Variants in VWA7 observed in about 807,000 individuals in gnomAD.
VWA7 encodes von Willebrand factor A domain containing 7, also known as von Willebrand factor A domain-containing protein 7.
In VWA7, 66 loss-of-function variants were observed where a neutral mutation model predicts 83.1. The observed-to-expected ratio is 0.79, with a 90% CI of 0.65 to 0.98. The LOEUF (loss-of-function observed/expected upper bound fraction) is 0.98, where lower values mean the gene tolerates loss of function less well. Ranked by LOEUF, VWA7 falls within the 50% of genes least tolerant of loss-of-function variation. VWA7 has a pLI of 0.00. For missense variants in VWA7, 1,080 were observed against 1,160.2 expected, an observed-to-expected ratio of 0.93 and a Z score of 1.00; for synonymous variants, 424 against 488.5, an observed-to-expected ratio of 0.87 and a Z score of 1.74.
In VWA7 at chr6:31,773,256, G is replaced by A; in HGVS notation, c.903C>T (p.Asp301=). The change falls in exon 6 of 17, where the codon GAC becomes GAT. Residue 301 remains aspartate, a synonymous_variant. Coordinates refer to ENST00000375688, the MANE Select transcript of VWA7 (RefSeq NM_025258.3). This position sits in a 1 kb window ranked among gnomAD's most constrained non-coding sequence, Gnocchi z 5.3. ...AGGCCACTCACCTGGAGAAATCCCT[G>A]TCTCCCAGGCGGCTTCGCAGAAGGC... ...AFSLLRSRLG[D]RDFSRLLDIT... 6.2e-7 allele frequency: 1 copy of A among 1,604,312 alleles called. No homozygotes were observed. Among genetic ancestry groups the A allele is most frequent in the Admixed American group, 1.7e-5 (1 of 57,804 alleles).
chr6:31,765,654 G>C lies in VWA7; in HGVS notation c.2616C>G (p.Gly872=). The change falls in exon 17 of 17, where the codon GGC becomes GGG. Residue 872 remains glycine (G), a synonymous_variant. Coordinates refer to ENST00000375688, the MANE Select transcript of VWA7 (RefSeq NM_025258.3). ...QGRAGAGLAA[G]SPWWGTVGGV... The stretch of plus-strand genomic sequence containing the variant: ...CTCCAACTGTGCCCCACCAGGGGCT[G>C]CCCGCAGCCAGCCCTGCCCCAGCCC... The C allele has an allele frequency of 1.9e-6, 3 of 1,608,182 alleles. No individual in the cohort carries two copies. The highest frequency in any genetic ancestry group is 2.5e-6 in the Non-Finnish European group (3 of 1,178,034).
At position 31,767,715 on chromosome 6, in the gene VWA7, G is replaced by T; in HGVS notation, c.1543C>A (p.Gln515Lys). Residue 515 changes from glutamine to lysine, a missense_variant, in exon 11 of 17, where the codon CAG becomes AAG. Coordinates refer to ENST00000375688, the MANE Select transcript of VWA7 (RefSeq NM_025258.3). ...PLDPPVVVPG[Q>K]PLVFSVDGLL... is the part of the protein sequence containing the mutation. ...CCATCCACGCTGAACACAAGTGGCTGCCCAGGCACCACAACAGGAGGGTCC... is the reference window on the plus strand; with the variant it reads ...CCATCCACGCTGAACACAAGTGGCTTCCCAGGCACCACAACAGGAGGGTCC... 1 of 1,612,872 alleles carries T rather than the reference G, an allele frequency of 6.2e-7. No individual in the cohort carries two copies. The highest frequency in any genetic ancestry group is 1.7e-5 in the Admixed American group (1 of 60,004).
Position 31,766,432 on chromosome 6 carries a change from G to A in VWA7, c.2184+31C>T. 1 of 1,574,486 alleles carries A rather than the reference G, an allele frequency of 6.4e-7. No homozygotes were observed. Among genetic ancestry groups the A allele is most frequent in the Non-Finnish European group, 8.6e-7 (1 of 1,159,926 alleles). ...GAAGGGGCCGCTCTAACTCTCTCCAGCCCCAGCCGCACTTTCCCCTGGCGT... is the reference window on the plus strand; with the variant it reads ...GAAGGGGCCGCTCTAACTCTCTCCAACCCCAGCCGCACTTTCCCCTGGCGT... On this transcript the variant is annotated intron_variant, in intron 14 of 16. Transcript: ENST00000375688. The surrounding 1 kb of genome is among the most constrained non-coding windows in gnomAD (Gnocchi z 4.9).
rs1812381207 is a variant in VWA7, at chr6:31,773,309, C to T, written c.850G>A (p.Ala284Thr). 4 of 1,608,636 alleles carry T rather than the reference C, an allele frequency of 2.5e-6. No homozygotes were observed. The Admixed American group carries it at 6.8e-5, about 27-fold the overall frequency. ...AAGGCCTGGATGGAGGCTAGAAGGGCCAGTTTTGCAGCCTGGAGGTGCAGC... is the reference window on the plus strand; with the variant it reads ...AAGGCCTGGATGGAGGCTAGAAGGGTCAGTTTTGCAGCCTGGAGGTGCAGC... The part of the protein sequence containing the change: ...HMLHLQAAKL[A>T]LLASIQAFSL... The change falls in exon 6 of 17, where the codon GCC becomes ACC. Residue 284 changes from alanine (A) to threonine (T), a missense_variant. Transcript: ENST00000375688. The surrounding 1 kb of genome is among the most constrained non-coding windows in gnomAD (Gnocchi z 5.3).
intron 10 of VWA7, 53 bp downstream of exon 10, chr6:31,768,965 G>A (rs1034467973): frequency 6.5e-7 from 1 of 1,536,340 alleles, no homozygotes; most frequent in Non-Finnish European, 8.8e-7. Context: ...AAGAAGAGAG[G>A]TGCAGCCTGA....
In VWA7 at chr6:31,769,158, C is replaced by T. The variant is rs1418013691; in HGVS notation, c.1363G>A (p.Ala455Thr). 1 of 1,613,130 alleles carries T rather than the reference C, an allele frequency of 6.2e-7. No homozygotes were observed. The highest frequency in any genetic ancestry group is 1.7e-5 in the Admixed American group (1 of 60,034). The change falls in exon 10 of 17, where the codon GCT becomes ACT. Residue 455 changes from alanine (A) to threonine (T), a missense_variant. Physicochemically the swap from Ala to Thr is moderately conservative, Grantham distance 58. Transcript: ENST00000375688. The surrounding 1 kb of genome is among the most constrained non-coding windows in gnomAD (Gnocchi z 4.5). Reference protein sequence around the residue: ...TEDTSRVQGRARREILSPLRF... With the variant: ...TEDTSRVQGRTRREILSPLRF... ...AGAGGGGACAAGATCTCACGCCGAGCTCGACCCTGAACCCTTGATGTATCT... is the reference window on the plus strand; with the variant it reads ...AGAGGGGACAAGATCTCACGCCGAGTTCGACCCTGAACCCTTGATGTATCT...
chr6:31,773,033 C>A lies in VWA7; in HGVS notation c.1008G>T (p.Gln336His). The change falls in exon 7 of 17, where the codon CAG becomes CAT. Residue 336 changes from glutamine (Q) to histidine (H), a missense_variant. By Grantham distance (24) the Gln-to-His change is conservative. Transcript: ENST00000375688. This position sits in a 1 kb window ranked among gnomAD's most constrained non-coding sequence, Gnocchi z 5.3. Reference protein sequence around the residue: ...MGEEINAAKIQARHLVEQRRG... With the variant: ...MGEEINAAKIHARHLVEQRRG... The stretch of plus-strand genomic sequence containing the variant: ...TCCGCTGCTCCACAAGGTGGCGAGC[C>A]TGGATTTTGGCAGCGTTGATCTCCT... 1 of 1,612,732 alleles carries A rather than the reference C, an allele frequency of 6.2e-7. No homozygotes were observed. Among genetic ancestry groups the A allele is most frequent in the Non-Finnish European group, 8.5e-7 (1 of 1,179,938 alleles).
chr6:31,766,414 C>T lies in VWA7; in HGVS notation c.2185-30G>A. The T allele has an allele frequency of 6.3e-7, 1 of 1,580,304 alleles. No homozygotes were observed. Among genetic ancestry groups the T allele is most frequent in the Non-Finnish European group, 8.6e-7 (1 of 1,163,674 alleles). On this transcript the variant is annotated intron_variant, in intron 14 of 16. Coordinates refer to ENST00000375688, the MANE Select transcript of VWA7 (RefSeq NM_025258.3). This position sits in a 1 kb window ranked among gnomAD's most constrained non-coding sequence, Gnocchi z 4.9. Reference sequence around the variant, plus strand: ...AGAGAAGGGTTCTTCAGGGAAGGGGCCGCTCTAACTCTCTCCAGCCCCAGC... The same window carrying T: ...AGAGAAGGGTTCTTCAGGGAAGGGGTCGCTCTAACTCTCTCCAGCCCCAGC...
Position 31,776,367 on chromosome 6 carries a change from G to T in VWA7, c.235-125C>A. On this transcript the variant is annotated intron_variant, in intron 2 of 16. Transcript: ENST00000375688. This position sits in a 1 kb window ranked among gnomAD's most constrained non-coding sequence, Gnocchi z 6.2. ...TCCTGAGCCCCACAAAGGAGGGACAGTCCCGGACCTTTCTAAGGAGGGGGA... is the reference window on the plus strand; with the variant it reads ...TCCTGAGCCCCACAAAGGAGGGACATTCCCGGACCTTTCTAAGGAGGGGGA... 1 of 1,388,848 alleles carries T rather than the reference G, an allele frequency of 7.2e-7. No homozygotes were observed. The highest frequency in any genetic ancestry group is 9.7e-7 in the Non-Finnish European group (1 of 1,033,306). 86.0% of individuals were successfully genotyped at this position (1,388,848 alleles called of 1,614,324 possible).
Position 31,765,873 on chromosome 6 carries a change from G to A in VWA7, c.2499+10C>T, listed in dbSNP as rs707936. 115,275 of 1,612,670 alleles carry A rather than the reference G, an allele frequency of 0.071. 5,274 individuals carry two copies. Among genetic ancestry groups the A allele is most frequent in the African/African-American group, 0.21 (15,731 of 74,996 alleles). ...TGCCCACCCTGTGATGGAAAGTAGT[G>A]GTTCCTCACCTGCGGGGCTGGGGCC... On this transcript the variant is annotated intron_variant, in intron 16 of 16. Coordinates refer to ENST00000375688, the MANE Select transcript of VWA7 (RefSeq NM_025258.3).
intron 10 of VWA7, 37 bp downstream of exon 10, chr6:31,768,981 C>A (rs1020226434): frequency 6.3e-7 from 1 of 1,577,862 alleles, no homozygotes. Flanking sequence ...CCTGACCACC[C>A]TTCAGTTCCT....
chr6:31,772,579 C>CTTTTTTTTTTTTTTT (rs1330466630), intron 7 of VWA7, among the ~76,000 whole-genome samples: 1 of 72,004 alleles, frequency 1.4e-5, no homozygotes, highest in African/African-American at 5.6e-5. Context: ...TTTTTTCTTT[C>CTTTTTTTTTTTTTTT]TTTTCTTTTT....
At position 31,766,921 on chromosome 6, in the gene VWA7, C is replaced by A. The variant is rs1384391350; in HGVS notation, c.1883-157G>T. On this transcript the variant is annotated intron_variant, in intron 13 of 16. Coordinates refer to ENST00000375688, the MANE Select transcript of VWA7 (RefSeq NM_025258.3). This position sits in a 1 kb window ranked among gnomAD's most constrained non-coding sequence, Gnocchi z 4.9. ...TGATGGGGAGCATCAGGAGGGAGTT[C>A]TGGGGTGCTGGAAATGTTCTATATC... Among the ~76,000 whole-genome samples, 1 of 151,648 alleles carries A rather than the reference C, an allele frequency of 6.6e-6. No homozygotes were observed. Among genetic ancestry groups the A allele is most frequent in the Non-Finnish European group, 1.5e-5 (1 of 67,962 alleles).
Position 31,775,864 on chromosome 6 carries a change from TG to T in VWA7, c.513+99del. 1 of 1,490,730 alleles carries T rather than the reference TG, an allele frequency of 6.7e-7. No individual in the cohort carries two copies. The allele number at this position is 1,490,730 out of a possible 1,614,324, so 92.3% of individuals were successfully genotyped here. Reference sequence around the variant, plus strand: ...GTGCCAGTGCCCACCCCTTCCAGAGTGGAGGAGACATGATCAAGAAGGCACC... The same window carrying T: ...GTGCCAGTGCCCACCCCTTCCAGAGTGAGGAGACATGATCAAGAAGGCACC... On this transcript the variant is annotated intron_variant, in intron 3 of 16. Transcript: ENST00000375688. This position sits in a 1 kb window ranked among gnomAD's most constrained non-coding sequence, Gnocchi z 5.9.
rs763651046 is a variant in VWA7, at chr6:31,765,989, G to A, written c.2393C>T (p.Pro798Leu). ...CACAGTCACCATCACCACGGAATCC[G>A]GGGCCGCTGAATCTGGGACCTCCAG... ...LWLEVPDSAA[P>L]DSVVMVTVTA... The change falls in exon 16 of 17, where the codon CCG becomes CTG. Residue 798 changes from proline to leucine, a missense_variant. By Grantham distance (98) the Pro-to-Leu change is moderately conservative. Transcript: ENST00000375688. 5.0e-6 allele frequency: 8 copies of A among 1,612,876 alleles called. No individual in the cohort carries two copies. The highest frequency in any genetic ancestry group is 4.5e-5 in the East Asian group (2 of 44,888).
rs1373396411 is a variant in VWA7 at position 31,776,632 on chromosome 6, CAGTT to C, written c.144_147del (p.Thr49ArgfsTer55). On this transcript the variant is annotated frameshift_variant, in exon 2 of 17. Transcript: ENST00000375688. LOFTEE classifies it high-confidence loss of function. The surrounding 1 kb of genome is among the most constrained non-coding windows in gnomAD (Gnocchi z 6.2). ...AGGGTGACGTTGAGCGCTGCCTCCTCAGTTAGGTCTTGGTGGGTGATGGAGCCAG... is the reference window on the plus strand; with the variant it reads ...AGGGTGACGTTGAGCGCTGCCTCCTCAGGTCTTGGTGGGTGATGGAGCCAG... 5 of 1,548,638 alleles carry C rather than the reference CAGTT, an allele frequency of 3.2e-6. No individual in the cohort carries two copies. The highest frequency in any genetic ancestry group is 2.4e-5 in the South Asian group (2 of 83,858).
intron 11 of VWA7, 46 bp downstream of exon 11, chr6:31,767,575 AT>A (rs1562267083): frequency 6.3e-7 from 1 of 1,599,366 alleles, no homozygotes; most frequent in Non-Finnish European, 8.6e-7. Context: ...CATCCCCTCG[AT>A]TGTCTATTCC....
In VWA7 at chr6:31,773,311, A is replaced by G; in HGVS notation, c.848T>C (p.Leu283Pro). The G allele has an allele frequency of 6.2e-7, 1 of 1,608,952 alleles. No homozygotes were observed. Among genetic ancestry groups the G allele is most frequent in the Non-Finnish European group, 8.5e-7 (1 of 1,177,918 alleles). Residue 283 changes from leucine (L) to proline (P), a missense_variant, in exon 6 of 17, where the codon CTG becomes CCG. Coordinates refer to ENST00000375688, the MANE Select transcript of VWA7 (RefSeq NM_025258.3). The surrounding 1 kb of genome is among the most constrained non-coding windows in gnomAD (Gnocchi z 5.3). Reference sequence around the variant, plus strand: ...GGCCTGGATGGAGGCTAGAAGGGCCAGTTTTGCAGCCTGGAGGTGCAGCAT... The same window carrying G: ...GGCCTGGATGGAGGCTAGAAGGGCCGGTTTTGCAGCCTGGAGGTGCAGCAT... ...HHMLHLQAAKLALLASIQAFS... is the reference protein window; with the variant it reads ...HHMLHLQAAKPALLASIQAFS...
In VWA7 at chr6:31,769,026, C is replaced by T. The variant is rs1050356706; in HGVS notation, c.1495G>A (p.Ala499Thr). 1.2e-5 allele frequency: 19 copies of T among 1,610,836 alleles called. No individual in the cohort carries two copies. Among genetic ancestry groups the T allele is most frequent in the Non-Finnish European group, 1.6e-5 (19 of 1,179,148 alleles). ...CCCTGGCCCCCACTTACCAGGGCAGCCATGCTCTCCCCAACAATGGCTGCC... is the reference window on the plus strand; with the variant it reads ...CCCTGGCCCCCACTTACCAGGGCAGTCATGCTCTCCCCAACAATGGCTGCC... ...DVAAIVGESM[A>T]ALVTLPLDPP... is the part of the protein sequence containing the mutation. The change falls in exon 10 of 17, where the codon GCT becomes ACT. Residue 499 changes from alanine to threonine, a missense_variant. Ala to Thr is a moderately conservative substitution (Grantham distance 58). Coordinates refer to ENST00000375688, the MANE Select transcript of VWA7 (RefSeq NM_025258.3). The surrounding 1 kb of genome is among the most constrained non-coding windows in gnomAD (Gnocchi z 4.5).
Sources: gnomAD v4.1 joint callset for allele counts (sites outside exome capture counted in the v4.1 genomes callset) on GRCh38, gnomAD v4.1.1 for gene constraint, Gnocchi (gnomAD v3.1) non-coding constraint, MANE v1.5 for transcripts, NCBI Gene and HGNC (gene_info 2026-07-23, HGNC 2026-07-21) for gene names.